The following DCDC1 variants were observed in gnomAD, a reference collection of about 807,000 sequenced individuals.
DCDC1 encodes the protein doublecortin domain containing 1, also known as doublecortin domain-containing protein 1.
In DCDC1, 200 loss-of-function variants were observed where a neutral mutation model predicts 178.3. The ratio of observed to expected loss-of-function variants is 1.12; its 90% CI spans 1.00 to 1.26. The LOEUF is 1.26. Among genes scored for constraint, DCDC1 ranks in the 50% most tolerant of loss-of-function variants. The pLI, the probability that DCDC1 is intolerant of heterozygous loss-of-function variation, is 0.00. For synonymous variants in DCDC1, 690 were observed against 604.8 expected (o/e 1.14, Z -2.07); for missense variants, 1,983 against 1,749.2 (o/e 1.13, Z -2.38).
intron 1 of DCDC1, among the ~76,000 whole-genome samples, chr11:31,355,082 T>C (rs1591841040): frequency 6.6e-6 from 1 of 152,102 alleles, no homozygotes; most frequent in Non-Finnish European, 1.5e-5. Flanking sequence ...TGTGAATGAA[T>C]TGAAAGGATT....
chr11:30,957,265 C>A (rs1948825145), intron 20 of DCDC1, among the ~76,000 whole-genome samples: 1 of 152,072 alleles, frequency 6.6e-6, no homozygotes. Flanking sequence ...CTCTCTACAC[C>A]CACATCCATG....
chr11:31,039,099 T>A (rs1181053900), intron 20 of DCDC1, among the ~76,000 whole-genome samples: 6 of 152,156 alleles, frequency 3.9e-5, no homozygotes, highest in Non-Finnish European at 8.8e-5. Context: ...TTAATATAAA[T>A]ATGATAAAAA....
rs141846489 is a variant in DCDC1, at chr11:31,180,210, C to T, written c.1222-42426G>A. Among the ~76,000 whole-genome samples, 1,043 of 152,162 alleles carry T rather than the reference C, an allele frequency of 6.9e-3. 34 individuals are homozygous for T. Among genetic ancestry groups the T allele is most frequent in the Admixed American group, 0.063 (968 of 15,282 alleles). On this transcript the variant is annotated intron_variant, in intron 9 of 38. Transcript: ENST00000684477. ...ACAATTAGATAGAATGAATAAATAC[C>T]GGTATTCTACTGCACAGTAGGTAAC...
intron 15 of DCDC1, among the ~76,000 whole-genome samples, chr11:31,099,446 T>C (rs1958359260): frequency 6.6e-6 from 1 of 152,160 alleles, no homozygotes; most frequent in Non-Finnish European, 1.5e-5. Flanking sequence ...CCCTTCATGA[T>C]CTGATCCTAA....
rs1165984531 is a variant in DCDC1 at position 30,865,395 on chromosome 11, TAC to T, written c.*41-65_*41-64del. 3.2e-5 allele frequency: 4 copies of T among 123,618 alleles called. No homozygotes were observed. In the South Asian group the frequency reaches 1.1e-3, roughly 34 times the overall value. 7.7% of individuals were successfully genotyped at this position (123,618 alleles called of 1,614,324 possible). On this transcript the variant is annotated intron_variant, in intron 38 of 38. Coordinates refer to ENST00000684477, the MANE Select transcript of DCDC1 (RefSeq NM_001387274.1). Reference sequence around the variant, plus strand: ...ATATACATGAACACACGCACACACATACACACATTTATATACACACATAGTAT... The same window carrying T: ...ATATACATGAACACACGCACACACATACACATTTATATACACACATAGTAT...
At position 30,920,673 on chromosome 11, in the gene DCDC1, A is replaced by T; in HGVS notation, c.3293+103T>A. 2.1e-6 allele frequency: 3 copies of T among 1,395,758 alleles called. No homozygotes were observed. The South Asian group carries it at 4.6e-5, about 21-fold the overall frequency. 86.5% of individuals were successfully genotyped at this position (1,395,758 alleles called of 1,614,324 possible). A position where few individuals can be genotyped will look rare whatever the true frequency, so the allele number is the denominator to read the frequency against. Reference sequence around the variant, plus strand: ...CTCTTCAGCTGCCATTAGTTTCACAAACTTGGCATGAGCTCCCTGCATGGG... The same window carrying T: ...CTCTTCAGCTGCCATTAGTTTCACATACTTGGCATGAGCTCCCTGCATGGG... On this transcript the variant is annotated intron_variant, in intron 25 of 38. Transcript: ENST00000684477.
At chr11:30,994,532 T>TAG (rs1203935970) in intron 20 of DCDC1, among the ~76,000 whole-genome samples, 3 of 147,572 alleles carry the variant, frequency 2.0e-5, no homozygotes, top group Non-Finnish European at 4.5e-5. Context: ...CCTCAAGTTA[T>TAG]ATATATATAT....
chr11:31,282,799 C>T (rs568531677), intron 7 of DCDC1, among the ~76,000 whole-genome samples: 11 of 151,956 alleles, frequency 7.2e-5, no homozygotes, highest in South Asian at 2.1e-4. Flanking sequence ...GCTTTTATTT[C>T]GAAGATTTTT....
intron 21 of DCDC1, among the ~76,000 whole-genome samples, chr11:30,938,409 C>T (rs1947415522): frequency 6.6e-6 from 1 of 152,210 alleles, no homozygotes; most frequent in South Asian, 2.1e-4. Context: ...AGCCAGCTCT[C>T]ACACACAGTT....
rs570167832 is a variant in DCDC1, at chr11:30,902,880, C to A, written c.4510+602G>T. 2.6e-5 allele frequency among the ~76,000 whole-genome samples: 4 copies of A among 152,250 alleles called. No homozygotes were observed. The South Asian group carries it at 6.2e-4, about 24-fold the overall frequency. On this transcript the variant is annotated intron_variant, in intron 32 of 38. Transcript: ENST00000684477. ...TCGTTTGGGACACACACAGTCACTG[C>A]CCTCAAATTGCAAATAGTCTAATAA...
chr11:31,292,440 A>G (rs995628016), intron 6 of DCDC1, among the ~76,000 whole-genome samples: 8 of 152,222 alleles, frequency 5.3e-5, no homozygotes, highest in Non-Finnish European at 2.9e-5. Flanking sequence ...GCCATAAAAA[A>G]GAATGAAGTA....
At chr11:31,174,145 C>A (rs561067349) in intron 9 of DCDC1, among the ~76,000 whole-genome samples, 60 of 152,208 alleles carry the variant, frequency 3.9e-4, no homozygotes, top group African/African-American at 1.1e-3. Context: ...CCCCACCCTC[C>A]CAGGTGCAAC....
rs990061287 is a variant in DCDC1 at position 31,358,667 on chromosome 11, C to G, written c.-125+11030G>C. 3.4e-4 allele frequency among the ~76,000 whole-genome samples: 51 copies of G among 152,018 alleles called. 1 individual carries two copies. The East Asian group carries it at 6.4e-3, about 19-fold the overall frequency. ...TGAACAGGCAACCTACAAAATGGGA[C>G]AAAATTTTTGCAACCTACTCATCTG... On this transcript the variant is annotated intron_variant, in intron 1 of 38. Coordinates refer to ENST00000684477, the MANE Select transcript of DCDC1 (RefSeq NM_001387274.1).
At chr11:31,263,609 A>G (rs1944944391) in intron 8 of DCDC1, among the ~76,000 whole-genome samples, 1 of 152,220 alleles carries the variant, frequency 6.6e-6, no homozygotes, top group Admixed American at 6.5e-5. Flanking sequence ...GAATACACAC[A>G]TATGTAATCC....
intron 13 of DCDC1, 134 bp from the exon 14 acceptor site, chr11:31,103,903 G>T: frequency 1.7e-6 from 1 of 578,558 alleles, no homozygotes; most frequent in Non-Finnish European, 3.0e-6. Flanking sequence ...CTATTGTATA[G>T]CACTATTGCT....
intron 9 of DCDC1, among the ~76,000 whole-genome samples, chr11:31,140,297 A>G (rs1963658326): frequency 1.3e-5 from 2 of 152,238 alleles, no homozygotes; most frequent in Admixed American, 1.3e-4. Flanking sequence ...AAAATTAAAA[A>G]TTGGAAACAG....
chr11:31,078,006 C>A, intron 17 of DCDC1, 81 bp from the exon 18 acceptor site: 1 of 723,104 alleles, frequency 1.4e-6, no homozygotes, highest in South Asian at 1.5e-5. Context: ...TGATCATTTT[C>A]CAGATAGCCT....
At chr11:30,960,422 T>C (rs1949029676) in intron 20 of DCDC1, among the ~76,000 whole-genome samples, 1 of 152,154 alleles carries the variant, frequency 6.6e-6, no homozygotes, top group African/African-American at 2.4e-5. Context: ...GTAAAAGCAA[T>C]AGAACTCTTA....
intron 21 of DCDC1, among the ~76,000 whole-genome samples, chr11:30,940,243 A>G (rs112656703): frequency 3.7e-4 from 56 of 152,270 alleles, no homozygotes; most frequent in African/African-American, 1.3e-3. Flanking sequence ...CTTTCTCAGG[A>G]AGCCAATCAT....
Sources: allele counts gnomAD v4.1 joint callset (sites outside exome capture counted in the v4.1 genomes callset), GRCh38; gene constraint gnomAD v4.1.1; transcripts MANE v1.5; gene names NCBI Gene and HGNC (gene_info 2026-07-23, HGNC 2026-07-21).